The following MIA2 variants were observed in gnomAD, a reference collection of about 807,000 sequenced individuals.
MIA2 encodes the protein MIA SH3 domain ER export factor 2, also known as melanoma inhibitory activity protein 2.
In MIA2, 127 loss-of-function variants were observed where a neutral mutation model predicts 167.8. The observed-to-expected ratio is 0.76, with a 90% CI of 0.66 to 0.88. The LOEUF (loss-of-function observed/expected upper bound fraction) is 0.88, where lower values mean the gene tolerates loss of function less well. Among genes scored for constraint, MIA2 ranks in the 40% least tolerant of loss-of-function variants. The pLI is 0.00. For synonymous variants in MIA2, 552 were observed against 541.9 expected (o/e 1.02, Z -0.26); for missense variants, 1,690 against 1,624.7 (o/e 1.04, Z -0.69).
At chr14:39,387,029 G>C (rs1440385822) in exon 24 of MIA2, 1 of 717,264 alleles carries the variant, frequency 1.4e-6, no homozygotes, top group Admixed American at 2.7e-5. Context: ...AAGCCAGAAG[G>C]CCCTACAGTG....
intron 23 of MIA2, chr14:39,385,808 T>C: frequency 1.1e-6 from 1 of 900,218 alleles, no homozygotes; most frequent in Admixed American, 1.7e-5. Context: ...TTCTCAGTGC[T>C]TCTATTTACA....
chr14:39,236,877 C>T, intron 1 of MIA2, 45 bp from the exon 2 acceptor site: 1 of 1,533,186 alleles, frequency 6.5e-7, no homozygotes, highest in Non-Finnish European at 8.9e-7. Flanking sequence ...GGAGAAATAT[C>T]ATTTTAATTT....
chr14:39,337,256 T>C (rs1354993196), intron 25 of MIA2, among the ~76,000 whole-genome samples: 1 of 152,194 alleles, frequency 6.6e-6, no homozygotes, highest in East Asian at 1.9e-4. Flanking sequence ...GTTAAATGTG[T>C]GTATGCCAAC....
chr14:39,286,382 G>C (rs8010145), intron 9 of MIA2, among the ~76,000 whole-genome samples: 132,447 of 152,134 alleles, frequency 0.87, 58,090 homozygotes, highest in East Asian at 0.96. Flanking sequence ...TGCAGTGAGC[G>C]GAGATGGCAG....
chr14:39,265,986 T>C (rs184917759), intron 6 of MIA2: 1 of 985,470 alleles, frequency 1.0e-6, no homozygotes, highest in African/African-American at 1.7e-5. Flanking sequence ...AATAGCAATC[T>C]TGAGTTCTGA....
At chr14:39,358,864 G>C (rs1040798725) in intron 23 of MIA2, among the ~76,000 whole-genome samples, 2 of 152,212 alleles carry the variant, frequency 1.3e-5, no homozygotes, top group Non-Finnish European at 2.9e-5. Flanking sequence ...CTGCAGAACA[G>C]CGGATATTGG....
intron 23 of MIA2, among the ~76,000 whole-genome samples, chr14:39,379,882 A>C (rs1417777875): frequency 9.9e-5 from 15 of 151,970 alleles, no homozygotes; most frequent in Non-Finnish European, 1.5e-5. Flanking sequence ...ATTACCTTAA[A>C]TTAAAAAATG....
At chr14:39,330,556 G>A (rs774055050) in intron 25 of MIA2, among the ~76,000 whole-genome samples, 1 of 152,038 alleles carries the variant, frequency 6.6e-6, no homozygotes, top group African/African-American at 2.4e-5. Flanking sequence ...TGATGTTTGG[G>A]TGTTGATTTT....
At chr14:39,272,277 G>A (rs1434717886) in intron 6 of MIA2, among the ~76,000 whole-genome samples, 5 of 152,210 alleles carry the variant, frequency 3.3e-5, no homozygotes, top group Admixed American at 6.5e-5. Context: ...GCTTGAACCC[G>A]GGAGGCGGAG....
At chr14:39,245,020 T>C (rs1379529204) in intron 3 of MIA2, among the ~76,000 whole-genome samples, 4 of 150,706 alleles carry the variant, frequency 2.7e-5, no homozygotes, top group Non-Finnish European at 4.4e-5. Context: ...TCAAGCAGTC[T>C]GCCCACCTCA....
intron 23 of MIA2, chr14:39,385,747 A>G: frequency 3.4e-6 from 3 of 882,844 alleles, no homozygotes; most frequent in Non-Finnish European, 5.8e-6. Flanking sequence ...CGGATTCTGG[A>G]TAATAGTAGA....
At chr14:39,288,467 A>ATTTTTT (rs1264770913) in intron 9 of MIA2, among the ~76,000 whole-genome samples, 2 of 51,584 alleles carry the variant, frequency 3.9e-5, no homozygotes, top group African/African-American at 1.0e-4. Flanking sequence ...ATATATATAT[A>ATTTTTT]TATATATATT....
downstream of MIA2, among the ~76,000 whole-genome samples, chr14:39,353,548 TC>T (rs549185432): frequency 5.3e-5 from 8 of 152,310 alleles, no homozygotes; most frequent in Admixed American, 2.0e-4. Flanking sequence ...TGAATAGTAT[TC>T]CTTTGTGTAT....
chr14:39,264,930 A>G (rs1464622235), intron 6 of MIA2, among the ~76,000 whole-genome samples: 3 of 152,210 alleles, frequency 2.0e-5, no homozygotes, highest in Non-Finnish European at 4.4e-5. Flanking sequence ...GCTTTAAAAC[A>G]GGTACTATAT....
At chr14:39,314,456 A>C (rs1481910170) in intron 19 of MIA2, among the ~76,000 whole-genome samples, 8 of 151,944 alleles carry the variant, frequency 5.3e-5, no homozygotes, top group South Asian at 2.1e-4. Context: ...TAAAAAAAAA[A>C]CAACACAATA....
Position 39,247,821 on chromosome 14 carries a change from C to A in MIA2, c.1247C>A (p.Thr416Lys). 3.1e-6 allele frequency: 5 copies of A among 1,605,724 alleles called. No homozygotes were observed. Among genetic ancestry groups the A allele is most frequent in the Non-Finnish European group, 4.2e-6 (5 of 1,178,038 alleles). Residue 416 changes from threonine (T) to lysine (K), a missense_variant, in exon 4 of 29, where the codon ACA (threonine) becomes AAA (lysine). By Grantham distance (78) the Thr-to-Lys change is moderately conservative. Coordinates refer to ENST00000640607, the MANE Select transcript of MIA2 (RefSeq NM_001329214.4). Reference protein sequence around the residue: ...GGADEHEHPLTSELDPEKEQE... With the variant: ...GGADEHEHPLKSELDPEKEQE... ...GCAGATGAACATGAACATCCTCTAA[C>A]AAGTGAATTAGACCCTGAAAAAGAA...
At chr14:39,263,880 C>T (rs562433665) in intron 6 of MIA2, among the ~76,000 whole-genome samples, 12 of 152,178 alleles carry the variant, frequency 7.9e-5, no homozygotes, top group East Asian at 7.7e-4. Context: ...GTGATTCGCC[C>T]GCCTTGGCCT....
At chr14:39,279,160 CAAAAA>C (rs71435634) in intron 7 of MIA2, among the ~76,000 whole-genome samples, 172 bp from the exon 8 acceptor site, 1 of 96,430 alleles carries the variant, frequency 1.0e-5, no homozygotes, top group Non-Finnish European at 2.0e-5. Flanking sequence ...GACTCTGTCT[CAAAAA>C]AAAAAAAAAA....
chr14:39,327,675 G>T (rs1012893675), intron 25 of MIA2, among the ~76,000 whole-genome samples: 33 of 151,746 alleles, frequency 2.2e-4, no homozygotes, highest in African/African-American at 8.0e-4. Flanking sequence ...GTGCCCATAT[G>T]TTCTCATTAT....
Sources: allele counts gnomAD v4.1 joint callset (sites outside exome capture counted in the v4.1 genomes callset), GRCh38; gene constraint gnomAD v4.1.1; transcripts MANE v1.5; gene names NCBI Gene and HGNC (gene_info 2026-07-23, HGNC 2026-07-21).